Variants in KIF5B observed in about 807,000 individuals in gnomAD.
KIF5B encodes kinesin-1 heavy chain.
A neutral mutation model predicts 132.8 loss-of-function variants in KIF5B; 49 were observed. That is an observed-to-expected ratio of 0.37 (90% CI 0.29 to 0.47). The LOEUF (loss-of-function observed/expected upper bound fraction) is 0.47. Ranked by LOEUF, KIF5B falls within the 20% of genes least tolerant of loss-of-function variation. The pLI, the probability that KIF5B is intolerant of heterozygous loss-of-function variation, is 1.00. For missense variants in KIF5B, 780 were observed against 1,144.0 expected, an observed-to-expected ratio of 0.68 and a Z score of 4.59; for synonymous variants, 355 against 369.4, an observed-to-expected ratio of 0.96 and a Z score of 0.45.
chr10:32,055,883 C>T lies in KIF5B; in HGVS notation c.91G>A (p.Ala31Thr). 6.2e-7 allele frequency: 1 copy of T among 1,612,960 alleles called. No homozygotes were observed. ...SEVNRGDKYIAKFQGEDTVVI... is the reference protein window; with the variant it reads ...SEVNRGDKYITKFQGEDTVVI... ...ACCGTGTCTTCTCCCTGAAACTTGG[C>T]GATGTACTTGTCGCCGCGGTTCACT... Residue 31 changes from alanine (A) to threonine (T), a missense_variant, in exon 1 of 26, where the codon GCC (alanine) becomes ACC (threonine). Coordinates refer to ENST00000302418, the MANE Select transcript of KIF5B (RefSeq NM_004521.3).
intron 9 of KIF5B, 55 bp downstream of exon 9, chr10:32,035,835 A>G (rs1841454449): frequency 7.1e-7 from 1 of 1,407,180 alleles, no homozygotes; most frequent in African/African-American, 1.4e-5. Context: ...ATATACACCT[A>G]TATTTAAATA....
intron 25 of KIF5B, among the ~76,000 whole-genome samples, chr10:32,014,157 T>C (rs1841124477): frequency 1.3e-5 from 2 of 152,320 alleles, no homozygotes; most frequent in Admixed American, 1.3e-4. Context: ...TGACCAATTA[T>C]TAGGCAACCA....
At chr10:32,030,847 A>G (rs1398602930) in intron 14 of KIF5B, among the ~76,000 whole-genome samples, 2 of 152,166 alleles carry the variant, frequency 1.3e-5, no homozygotes, top group Non-Finnish European at 2.9e-5. Flanking sequence ...ACATCCTCTA[A>G]AACAGCATTT....
intron 17 of KIF5B, 60 bp from the exon 18 acceptor site, chr10:32,021,347 C>G (rs1841256249): frequency 8.2e-7 from 1 of 1,212,728 alleles, no homozygotes; most frequent in Non-Finnish European, 1.2e-6. Context: ...CTCATATAAA[C>G]CAAGGAGCAA....
intron 2 of KIF5B, among the ~76,000 whole-genome samples, chr10:32,047,997 A>C (rs1340491591): frequency 6.6e-6 from 1 of 152,244 alleles, no homozygotes; most frequent in African/African-American, 2.4e-5. Context: ...TGGAATGTAC[A>C]TACTTTTCTC....
At chr10:32,024,713 C>T (rs929699068) in intron 15 of KIF5B, among the ~76,000 whole-genome samples, 1 of 151,694 alleles carries the variant, frequency 6.6e-6, no homozygotes, top group South Asian at 2.1e-4. Context: ...TGCAGTGAGC[C>T]GAGATCATGC....
At chr10:32,049,291 A>G (rs963595062) in intron 1 of KIF5B, among the ~76,000 whole-genome samples, 1 of 152,202 alleles carries the variant, frequency 6.6e-6, no homozygotes, top group Non-Finnish European at 1.5e-5. Flanking sequence ...GACTCATGCA[A>G]TTGAGTGCTA....
chr10:32,055,501 C>T (rs538723510), intron 1 of KIF5B, among the ~76,000 whole-genome samples: 1 of 147,722 alleles, frequency 6.8e-6, no homozygotes, highest in African/African-American at 2.5e-5. Context: ...TCCAAAACAC[C>T]AACAGTATCC....
Position 32,010,113 on chromosome 10 carries a change from G to C in KIF5B, c.*1424C>G, listed in dbSNP as rs1394445924. On this transcript the variant is annotated 3_prime_UTR_variant, in exon 26 of 26. Coordinates refer to ENST00000302418, the MANE Select transcript of KIF5B (RefSeq NM_004521.3). Reference sequence around the variant, plus strand: ...CTTTTGCAAAAAGTTAATTCTGCCAGCAAGATCCTAACACAGAACTTTCCA... The same window carrying C: ...CTTTTGCAAAAAGTTAATTCTGCCACCAAGATCCTAACACAGAACTTTCCA... 1 of 152,124 alleles carries C rather than the reference G, an allele frequency of 6.6e-6. No individual in the cohort carries two copies. The highest frequency in any genetic ancestry group is 1.5e-5 in the Non-Finnish European group (1 of 68,004). 9.4% of individuals were successfully genotyped at this position (152,124 alleles called of 1,614,324 possible). A position where few individuals can be genotyped will look rare whatever the true frequency, so the allele number is the denominator to read the frequency against.
chr10:32,031,959 G>A (rs529918306), intron 13 of KIF5B, among the ~76,000 whole-genome samples: 1,195 of 115,012 alleles, frequency 0.01, 24 homozygotes, highest in African/African-American at 0.032. Context: ...AGATCACGCC[G>A]CTGCACTCCA....
At chr10:32,017,085 A>G (rs1841180884) in intron 24 of KIF5B, 58 bp downstream of exon 24, 1 of 1,399,568 alleles carries the variant, frequency 7.1e-7, no homozygotes, top group South Asian at 1.2e-5. Flanking sequence ...TACGTTTTCC[A>G]CTAAATGAAA....
In KIF5B at chr10:32,018,337, G is replaced by T. The variant is rs771796806; in HGVS notation, c.2418C>A (p.Asp806Glu). 1.3e-6 allele frequency: 2 copies of T among 1,514,684 alleles called. No homozygotes were observed. Among genetic ancestry groups the T allele is most frequent in the African/African-American group, 2.8e-5 (2 of 71,642 alleles). The allele number at this position is 1,514,684 out of a possible 1,614,324, so 93.8% of individuals were successfully genotyped here. A position where few individuals can be genotyped will look rare whatever the true frequency, so the allele number is the denominator to read the frequency against. Reference protein sequence around the residue: ...LHNLRKLFVQDLATRVKKSAE... With the variant: ...LHNLRKLFVQELATRVKKSAE... ...TTACCTTTTTAACTCTTGTAGCCAG[G>T]TCCTGAACAAAGAGTTTGCGCAGGT... The change falls in exon 22 of 26, where the codon GAC becomes GAA. Residue 806 changes from aspartate (D) to glutamate (E), a missense_variant. By Grantham distance (45) the Asp-to-Glu change is conservative. Coordinates refer to ENST00000302418, the MANE Select transcript of KIF5B (RefSeq NM_004521.3).
chr10:32,018,130 G>A lies in KIF5B; in HGVS notation c.2466C>T (p.Thr822=), dbSNP rs141827567. The A allele has an allele frequency of 2.1e-4, 333 of 1,608,602 alleles. No individual in the cohort carries two copies. The highest frequency in any genetic ancestry group is 1.8e-3 in the African/African-American group (134 of 74,686). ...TTTGCTTCTGAGCAGCGCTGCCTCC[G>A]GTGTCATCAGAATCAATCTCAGCAC... ...KKSAEIDSDD[T]GGSAAQKQKI... The change falls in exon 23 of 26, where the codon ACC becomes ACT. Residue 822 remains threonine (T), a synonymous_variant. Transcript: ENST00000302418.
intron 15 of KIF5B, among the ~76,000 whole-genome samples, chr10:32,024,328 G>A (rs1348452486): frequency 2.1e-5 from 3 of 145,058 alleles, no homozygotes; most frequent in Non-Finnish European, 4.6e-5. Flanking sequence ...CTAATTTTTT[G>A]TATTTTTAGT....
intron 1 of KIF5B, among the ~76,000 whole-genome samples, chr10:32,050,782 T>C (rs559065312): frequency 2.6e-5 from 4 of 152,324 alleles, no homozygotes; most frequent in Admixed American, 2.6e-4. Flanking sequence ...ACTGAAACAA[T>C]TAACATTCAA....
At position 32,010,246 on chromosome 10, in the gene KIF5B, T is replaced by TAAGAG; in HGVS notation, c.*1290_*1291insCTCTT. The TAAGAG allele has an allele frequency of 6.6e-6, 1 of 152,202 alleles. No individual in the cohort carries two copies. Among genetic ancestry groups the TAAGAG allele is most frequent in the Non-Finnish European group, 1.5e-5 (1 of 68,018 alleles). 9.4% of individuals were successfully genotyped at this position (152,202 alleles called of 1,614,324 possible). On this transcript the variant is annotated 3_prime_UTR_variant, in exon 26 of 26. Coordinates refer to ENST00000302418, the MANE Select transcript of KIF5B (RefSeq NM_004521.3). ...AAGCAAATAGTGAAATCTCTTTCCC[T>TAAGAG]ATTACTTTTACAGTTTCCTAAAATA...
At chr10:32,038,313 A>G (rs757335405) in intron 5 of KIF5B, 95 bp from the exon 6 acceptor site, 12 of 824,452 alleles carry the variant, frequency 1.5e-5, no homozygotes, top group Non-Finnish European at 2.4e-5. Context: ...GCCTAACAGC[A>G]ATAGTTGAAC....
chr10:32,027,446 C>G (rs1841347698), intron 15 of KIF5B, among the ~76,000 whole-genome samples: 1 of 151,326 alleles, frequency 6.6e-6, no homozygotes, highest in Non-Finnish European at 1.5e-5. Flanking sequence ...ATTTTGAAAA[C>G]TGAAAACTCT....
In KIF5B at chr10:32,010,955, AG is replaced by A. The variant is rs1285895591; in HGVS notation, c.*581del. 1 of 152,158 alleles carries A rather than the reference AG, an allele frequency of 6.6e-6. No individual in the cohort carries two copies. Among genetic ancestry groups the A allele is most frequent in the Admixed American group, 6.5e-5 (1 of 15,268 alleles). 9.4% of individuals were successfully genotyped at this position (152,158 alleles called of 1,614,324 possible). A position where few individuals can be genotyped will look rare whatever the true frequency, so the allele number is the denominator to read the frequency against. On this transcript the variant is annotated 3_prime_UTR_variant, in exon 26 of 26. Coordinates refer to ENST00000302418, the MANE Select transcript of KIF5B (RefSeq NM_004521.3). ...AGGAGCAAACTTCAGAAACAATACA[AG>A]TAATTTTAACCCTGATATCATCATT...
Sources: gnomAD v4.1 joint callset for allele counts (sites outside exome capture counted in the v4.1 genomes callset) on GRCh38, gnomAD v4.1.1 for gene constraint, MANE v1.5 for transcripts, NCBI Gene and HGNC (gene_info 2026-07-23, HGNC 2026-07-21) for gene names.